FURIN: variants seen among roughly 807,000 people sequenced by gnomAD.
The protein encoded by FURIN is FES upstream region.
In FURIN, 18 loss-of-function variants were observed where a neutral mutation model predicts 89.2. That is an observed-to-expected ratio of 0.20 (90% CI 0.14 to 0.30). FURIN has a LOEUF of 0.30. Ranked by LOEUF, FURIN falls within the 10% of genes least tolerant of loss-of-function variation. FURIN has a pLI of 1.00. For synonymous variants in FURIN, 508 were observed against 466.4 expected, an observed-to-expected ratio of 1.09 and a Z score of -1.15; for missense variants, 879 against 1,100.5, an observed-to-expected ratio of 0.80 and a Z score of 2.85.
At chr15:90,877,988 G>T (rs1052196968) in intron 7 of FURIN, 144 bp from the exon 8 acceptor site, 5 of 702,446 alleles carry the variant, frequency 7.1e-6, no homozygotes, top group African/African-American at 1.8e-5. Flanking sequence ...ACAGGTAGTT[G>T]GGGGTTCAGG....
intron 9 of FURIN, 55 bp downstream of exon 9, chr15:90,879,031 T>C: frequency 1.7e-6 from 2 of 1,143,688 alleles, no homozygotes. Flanking sequence ...GCTGGCTCTG[T>C]CCAGCACCCT....
intron 1 of FURIN, among the ~76,000 whole-genome samples, chr15:90,874,541 G>T (rs1159541702): frequency 6.6e-6 from 1 of 152,238 alleles, no homozygotes; most frequent in Admixed American, 6.5e-5. Context: ...CACCCCCTCA[G>T]GACATGGCCC....
chr15:90,877,986 T>A (rs948257848), intron 7 of FURIN, 146 bp from the exon 8 acceptor site: 2 of 696,280 alleles, frequency 2.9e-6, no homozygotes, highest in Non-Finnish European at 4.8e-6. Flanking sequence ...AAACAGGTAG[T>A]TGGGGGTTCA....
chr15:90,878,107 C>G, intron 7 of FURIN, 25 bp from the exon 8 acceptor site: 1 of 1,612,740 alleles, frequency 6.2e-7, no homozygotes, highest in Non-Finnish European at 8.5e-7. Flanking sequence ...CAGCATCCCT[C>G]TTCGTGCCCC....
chr15:90,873,971 G>C (rs1596074471), intron 1 of FURIN, among the ~76,000 whole-genome samples: 1 of 152,202 alleles, frequency 6.6e-6, no homozygotes, highest in Non-Finnish European at 1.5e-5. Context: ...TCTGTGGTGA[G>C]CCTGCCTCTC....
At chr15:90,872,052 G>A (rs1218422825) in intron 1 of FURIN, among the ~76,000 whole-genome samples, 1 of 151,468 alleles carries the variant, frequency 6.6e-6, no homozygotes, top group African/African-American at 2.4e-5. Flanking sequence ...GCCGCCACCG[G>A]GGCTGCCGCC....
chr15:90,869,341 G>C (rs2031180130), intron 1 of FURIN, among the ~76,000 whole-genome samples: 1 of 152,178 alleles, frequency 6.6e-6, no homozygotes, highest in African/African-American at 2.4e-5. Flanking sequence ...GTGATAAAGA[G>C]AACAATACCT....
In FURIN at chr15:90,877,194, A is replaced by G. The variant is rs774281445; in HGVS notation, c.561A>G (p.Thr187=). The G allele has an allele frequency of 2.5e-6, 4 of 1,609,808 alleles. No individual in the cohort carries two copies. Among genetic ancestry groups the G allele is most frequent in the African/African-American group, 1.3e-5 (1 of 74,924 alleles). Reference sequence around the variant, plus strand: ...ACCCTGACCCCCAGCCTCGGTACACACAGATGAATGACAACAGGTAAGAAG... The same window carrying G: ...ACCCTGACCCCCAGCCTCGGTACACGCAGATGAATGACAACAGGTAAGAAG... ...DQDPDPQPRY[T]QMNDNRHGTR... is the part of the protein sequence containing the mutation. The change falls in exon 6 of 16, where the codon ACA becomes ACG. Residue 187 remains threonine (T), a synonymous_variant. Transcript: ENST00000268171.
At position 90,882,767 on chromosome 15, in the gene FURIN, T is replaced by G. The variant is rs927203173; in HGVS notation, c.*889T>G. 6.5e-6 allele frequency: 1 copy of G among 152,704 alleles called. No homozygotes were observed. The highest frequency in any genetic ancestry group is 1.9e-4 in the East Asian group (1 of 5,204). 9.5% of individuals were successfully genotyped at this position (152,704 alleles called of 1,614,324 possible). A position where few individuals can be genotyped will look rare whatever the true frequency, so the allele number is the denominator to read the frequency against. ...TGAGGATATATTTTCACTTTGTGAT[T>G]ATTTCACTTTAGATGCTGATGATTT... is the stretch of plus-strand genomic sequence containing the variant. On this transcript the variant is annotated 3_prime_UTR_variant, in exon 16 of 16. Coordinates refer to ENST00000268171, the MANE Select transcript of FURIN (RefSeq NM_002569.4).
chr15:90,873,674 C>G (rs2031447468), intron 1 of FURIN, among the ~76,000 whole-genome samples: 1 of 152,156 alleles, frequency 6.6e-6, no homozygotes, highest in African/African-American at 2.4e-5. Flanking sequence ...GCTGGGGCGC[C>G]TAGCTGCCCA....
In FURIN at chr15:90,881,263, T is replaced by G. The variant is rs2031950277; in HGVS notation, c.1793-23T>G. The stretch of plus-strand genomic sequence containing the variant: ...ACAGTCTGTTTAGCTGACACACACT[T>G]GCCCTCTCTCCCACGCCGGCAGTGT... On this transcript the variant is annotated intron_variant, in intron 15 of 15. Coordinates refer to ENST00000268171, the MANE Select transcript of FURIN (RefSeq NM_002569.4). The surrounding 1 kb of genome is among the most constrained non-coding windows in gnomAD (Gnocchi z 4.3). 5 of 1,543,204 alleles carry G rather than the reference T, an allele frequency of 3.2e-6. No individual in the cohort carries two copies. Among genetic ancestry groups the G allele is most frequent in the Admixed American group, 1.8e-5 (1 of 56,504 alleles).
intron 6 of FURIN, among the ~76,000 whole-genome samples, 154 bp downstream of exon 6, chr15:90,877,365 G>A (rs1282086936): frequency 2.6e-5 from 4 of 152,246 alleles, no homozygotes; most frequent in African/African-American, 9.6e-5. Flanking sequence ...CTCGGTCAGA[G>A]TGGAGATGGC....
Position 90,876,128 on chromosome 15 carries a change from C to G in FURIN, c.178-127C>G, listed in dbSNP as rs2031604912. On this transcript the variant is annotated intron_variant, in intron 2 of 15. Transcript: ENST00000268171. The surrounding 1 kb of genome is among the most constrained non-coding windows in gnomAD (Gnocchi z 5.0). Reference sequence around the variant, plus strand: ...TCCCCGCATTTTGCTGGGTCCCGGACAGGGAGCAGATGCCCCGCACCCCCG... The same window carrying G: ...TCCCCGCATTTTGCTGGGTCCCGGAGAGGGAGCAGATGCCCCGCACCCCCG... 2.5e-6 allele frequency: 2 copies of G among 802,010 alleles called. No homozygotes were observed. The highest frequency in any genetic ancestry group is 4.2e-6 in the Non-Finnish European group (2 of 471,198). 49.7% of individuals were successfully genotyped at this position (802,010 alleles called of 1,614,324 possible).
In FURIN at chr15:90,875,713, T is replaced by G; in HGVS notation, c.-28T>G. 1 of 1,508,768 alleles carries G rather than the reference T, an allele frequency of 6.6e-7. No individual in the cohort carries two copies. Among genetic ancestry groups the G allele is most frequent in the Non-Finnish European group, 8.9e-7 (1 of 1,123,546 alleles). The allele number at this position is 1,508,768 out of a possible 1,614,324, so 93.5% of individuals were successfully genotyped here. On this transcript the variant is annotated 5_prime_UTR_variant, in exon 2 of 16. Coordinates refer to ENST00000268171, the MANE Select transcript of FURIN (RefSeq NM_002569.4). ...GTGACCAGGCCAAGGAGACGGGCGC[T>G]CCAGGGTCCCAGCCACCTGTCCCCC... is the stretch of plus-strand genomic sequence containing the variant.
At position 90,878,481 on chromosome 15, in the gene FURIN, A is replaced by G. The variant is rs535047259; in HGVS notation, c.840+177A>G. Reference sequence around the variant, plus strand: ...TGCATATACCACTTGGACTTGCCTAATTAAAAAACACATTTTTTTTAGAAA... The same window carrying G: ...TGCATATACCACTTGGACTTGCCTAGTTAAAAAACACATTTTTTTTAGAAA... On this transcript the variant is annotated intron_variant, in intron 8 of 15. Transcript: ENST00000268171. 2.6e-4 allele frequency among the ~76,000 whole-genome samples: 39 copies of G among 152,360 alleles called. 1 individual carries two copies. The highest frequency in any genetic ancestry group is 6.5e-4 in the Admixed American group (10 of 15,300).
Position 90,878,281 on chromosome 15 carries a change from G to A in FURIN, c.817G>A (p.Ala273Thr), listed in dbSNP as rs199594528. The change falls in exon 8 of 16, where the codon GCC becomes ACC. Residue 273 changes from alanine (A) to threonine (T), a missense_variant. Physicochemically the swap from Ala to Thr is moderately conservative, Grantham distance 58 (BLOSUM62 0). Coordinates refer to ENST00000268171, the MANE Select transcript of FURIN (RefSeq NM_002569.4). ...TGGGCCAGCCCGCCTCGCCGAGGAGGCCTTCTTCCGTGGGGTTAGCCAGGT... is the reference window on the plus strand; with the variant it reads ...TGGGCCAGCCCGCCTCGCCGAGGAGACCTTCTTCCGTGGGGTTAGCCAGGT... ...VDGPARLAEE[A>T]FFRGVSQGRG... is the part of the protein sequence containing the mutation. The A allele has an allele frequency of 4.1e-5, 65 of 1,602,810 alleles. No homozygotes were observed. Among genetic ancestry groups the A allele is most frequent in the Non-Finnish European group, 5.5e-5 (64 of 1,173,170 alleles).
Position 90,880,284 on chromosome 15 carries a change from T to C in FURIN, c.1556+11T>C, listed in dbSNP as rs2031885561. 6.3e-7 allele frequency: 1 copy of C among 1,590,812 alleles called. No individual in the cohort carries two copies. The highest frequency in any genetic ancestry group is 1.1e-5 in the South Asian group (1 of 89,192). ...CCTGCTGGCAGCCAGGTGCTTGCTC[T>C]GTCCCTGCCCGCCCTGCCCAGCGCC... On this transcript the variant is annotated intron_variant, in intron 13 of 15. Transcript: ENST00000268171.
Position 90,878,793 on chromosome 15 carries a change from C to T in FURIN, c.870C>T (p.Val290=). ...GAGGGGGGCTGGGCTCCATCTTTGT[C>T]TGGGCCTCGGGGAACGGGGGCCGGG... ...QGRGGLGSIF[V]WASGNGGREH... The change falls in exon 9 of 16, where the codon GTC becomes GTT. Residue 290 remains valine, a synonymous_variant. Coordinates refer to ENST00000268171, the MANE Select transcript of FURIN (RefSeq NM_002569.4). The T allele has an allele frequency of 6.2e-7, 1 of 1,611,020 alleles. No homozygotes were observed. Among genetic ancestry groups the T allele is most frequent in the Non-Finnish European group, 8.5e-7 (1 of 1,177,950 alleles).
chr15:90,873,689 T>C (rs1239638931), intron 1 of FURIN, among the ~76,000 whole-genome samples: 2 of 152,134 alleles, frequency 1.3e-5, no homozygotes, highest in Non-Finnish European at 2.9e-5. Context: ...TGCCCAGCCA[T>C]TGATCAGGCC....
Sources: gnomAD v4.1 joint callset for allele counts (sites outside exome capture counted in the v4.1 genomes callset) on GRCh38, gnomAD v4.1.1 for gene constraint, Gnocchi (gnomAD v3.1) non-coding constraint, MANE v1.5 for transcripts, NCBI Gene and HGNC (gene_info 2026-07-23, HGNC 2026-07-21) for gene names.